The following IRAK2 variants were observed in gnomAD, a reference collection of about 807,000 sequenced individuals.
The protein encoded by IRAK2 is interleukin-1 receptor-associated kinase-like 2.
A neutral mutation model predicts 72.0 loss-of-function variants in IRAK2; 57 were observed. The ratio of observed to expected loss-of-function variants is 0.79; its 90% confidence interval spans 0.64 to 0.99. IRAK2 has a LOEUF of 0.99. Among genes scored for constraint, IRAK2 ranks in the 50% least tolerant of loss-of-function variants. The pLI, the probability that IRAK2 is intolerant of heterozygous loss-of-function variation, is 0.00. For missense variants in IRAK2, 790 were observed against 794.4 expected, an observed-to-expected ratio of 0.99 and a Z score of 0.07; for synonymous variants, 293 against 312.7, an observed-to-expected ratio of 0.94 and a Z score of 0.67.
At chr3:10,189,127 G>GGATA (rs1347234497) in intron 2 of IRAK2, among the ~76,000 whole-genome samples, 1 of 152,238 alleles carries the variant, frequency 6.6e-6, no homozygotes, top group Non-Finnish European at 1.5e-5. Flanking sequence ...AGTGCTCAAA[G>GGATA]GATAAATGTA....
At chr3:10,192,336 C>T (rs768378692) in intron 2 of IRAK2, among the ~76,000 whole-genome samples, 1 of 152,110 alleles carries the variant, frequency 6.6e-6, no homozygotes, top group Non-Finnish European at 1.5e-5. Flanking sequence ...ACCTTGTTGC[C>T]AGCTCTGAGT....
chr3:10,208,036 T>C (rs708033), intron 3 of IRAK2, among the ~76,000 whole-genome samples: 117,277 of 147,326 alleles, frequency 0.8, 47,312 homozygotes, highest in Non-Finnish European at 0.85. Flanking sequence ...GAACCACTGA[T>C]GACTGTGTGC....
intron 12 of IRAK2, 43 bp from the exon 13 acceptor site, chr3:10,242,073 C>G (rs1698068943): frequency 8.8e-7 from 1 of 1,134,630 alleles, no homozygotes; most frequent in African/African-American, 1.5e-5. Context: ...ATAATAGTAA[C>G]TTTCATTCAA....
chr3:10,213,267 T>C lies in IRAK2; in HGVS notation c.589T>C (p.Phe197Leu). The C allele has an allele frequency of 1.2e-6, 2 of 1,614,174 alleles. No homozygotes were observed. The highest frequency in any genetic ancestry group is 1.6e-4 in the Middle Eastern group (1 of 6,062). The stretch of plus-strand genomic sequence containing the variant: ...TTTGAGCTTGGCTGGAGACAGCCTT[T>C]TCTGGAGTGAGGCAGACGTGGTCCA... ...KLLSLAGDSL[F>L]WSEADVVQAT... is the part of the protein sequence containing the mutation. The change falls in exon 5 of 13, where the codon TTC becomes CTC. Residue 197 changes from phenylalanine (F) to leucine (L), a missense_variant. Transcript: ENST00000256458.
rs577087447 is a variant in IRAK2, at chr3:10,169,681, C to T, written c.94+4633C>T. On this transcript the variant is annotated intron_variant, in intron 1 of 12. Coordinates refer to ENST00000256458, the MANE Select transcript of IRAK2 (RefSeq NM_001570.4). ...CCCTGATTTCATATTGTTTAAACAC[C>T]CACGTTTTACAATCAGATTTCATAT... Among the ~76,000 whole-genome samples the T allele has an allele frequency of 7.2e-5, 11 of 152,136 alleles. 1 individual carries two copies. The highest frequency in any genetic ancestry group is 3.4e-3 in the Middle Eastern group (1 of 294).
chr3:10,234,167 G>A (rs1697911241), intron 10 of IRAK2, among the ~76,000 whole-genome samples: 1 of 152,088 alleles, frequency 6.6e-6, no homozygotes, highest in Non-Finnish European at 1.5e-5. Flanking sequence ...CGGCCCTGGT[G>A]TAGGTATTTT....
intron 2 of IRAK2, among the ~76,000 whole-genome samples, chr3:10,198,060 G>T (rs773567786): frequency 6.6e-6 from 1 of 151,788 alleles, no homozygotes; most frequent in Non-Finnish European, 1.5e-5. Flanking sequence ...TTAGCCGGGC[G>T]TGCTGGTGGG....
At position 10,242,340 on chromosome 3, in the gene IRAK2, TCTG is replaced by T. The variant is rs1403068985; in HGVS notation, c.*116_*118del. On this transcript the variant is annotated 3_prime_UTR_variant, in exon 13 of 13. Transcript: ENST00000256458. ...CTGCCAGGAAACACACAACAAAACA[TCTG>T]CTGTCCTGGGTGGGAGGGAAACTTC... 13 of 597,598 alleles carry T rather than the reference TCTG, an allele frequency of 2.2e-5. No homozygotes were observed. Among genetic ancestry groups the T allele is most frequent in the Admixed American group, 1.9e-4 (6 of 32,218 alleles). 37.0% of individuals were successfully genotyped at this position (597,598 alleles called of 1,614,324 possible).
intron 2 of IRAK2, among the ~76,000 whole-genome samples, chr3:10,196,013 C>T (rs1037298950): frequency 3.9e-5 from 6 of 152,230 alleles, no homozygotes; most frequent in Non-Finnish European, 8.8e-5. Flanking sequence ...AGAGCTTTCA[C>T]TTCTGTGCAC....
At chr3:10,233,850 G>A (rs1251375164) in intron 10 of IRAK2, among the ~76,000 whole-genome samples, 2 of 152,040 alleles carry the variant, frequency 1.3e-5, no homozygotes, top group African/African-American at 2.4e-5. Flanking sequence ...CCTAGGTGTA[G>A]GTATTTTATT....
chr3:10,230,379 G>A (rs1462460044), intron 10 of IRAK2, among the ~76,000 whole-genome samples: 1 of 151,954 alleles, frequency 6.6e-6, no homozygotes, highest in Non-Finnish European at 1.5e-5. Context: ...GAGGAGTGCA[G>A]TGGCATGATC....
intron 1 of IRAK2, among the ~76,000 whole-genome samples, chr3:10,165,721 ATTT>A (rs34176794): frequency 0.03 from 2,313 of 76,768 alleles, 46 homozygotes; most frequent in South Asian, 0.051. Context: ...GTCTTGAACT[ATTT>A]TTTTTTTTTT....
At chr3:10,205,477 C>G (rs1339522492) in intron 3 of IRAK2, among the ~76,000 whole-genome samples, 1 of 152,198 alleles carries the variant, frequency 6.6e-6, no homozygotes, top group Non-Finnish European at 1.5e-5. Context: ...CCTGGGGGAG[C>G]CTCCTGAGCA....
intron 10 of IRAK2, among the ~76,000 whole-genome samples, chr3:10,227,471 C>T (rs985654582): frequency 1.3e-4 from 20 of 152,076 alleles, no homozygotes; most frequent in Admixed American, 8.5e-4. Flanking sequence ...AATATAACAA[C>T]CTAGCCTGAC....
In IRAK2 at chr3:10,178,046, G is replaced by T. The variant is rs193033943; in HGVS notation, c.277+26G>T. The T allele has an allele frequency of 5.2e-3, 8,173 of 1,560,840 alleles. 303 individuals carry two copies. In the South Asian group the frequency reaches 0.067, roughly 13 times the overall value. Reference sequence around the variant, plus strand: ...GTGAGTAACTCAGGGCCCTCCTTGAGTGGGGCCCATCACGCTCCTGAGCAG... The same window carrying T: ...GTGAGTAACTCAGGGCCCTCCTTGATTGGGGCCCATCACGCTCCTGAGCAG... On this transcript the variant is annotated intron_variant, in intron 2 of 12. Transcript: ENST00000256458.
intron 4 of IRAK2, among the ~76,000 whole-genome samples, chr3:10,211,610 C>A (rs531791866): frequency 4.6e-5 from 7 of 152,138 alleles, no homozygotes; most frequent in African/African-American, 1.4e-4. Context: ...CAAAGTGAGA[C>A]CCTGTCTCAA....
At chr3:10,180,881 G>A (rs958813830) in intron 2 of IRAK2, among the ~76,000 whole-genome samples, 1 of 152,068 alleles carries the variant, frequency 6.6e-6, no homozygotes, top group African/African-American at 2.4e-5. Flanking sequence ...AGGCCAGTGG[G>A]GCAGCGAGAA....
chr3:10,230,792 G>A (rs938005729), intron 10 of IRAK2, among the ~76,000 whole-genome samples: 2 of 151,486 alleles, frequency 1.3e-5, no homozygotes, highest in African/African-American at 2.4e-5. Flanking sequence ...TTGCTCTGTC[G>A]CCCAGGCTGG....
chr3:10,210,504 T>A (rs190022065), intron 4 of IRAK2, among the ~76,000 whole-genome samples: 1 of 152,350 alleles, frequency 6.6e-6, no homozygotes, highest in Admixed American at 6.5e-5. Context: ...ATTAAAATGT[T>A]CTGATGGCCC....
Sources: gnomAD v4.1 joint callset for allele counts (sites outside exome capture counted in the v4.1 genomes callset) on GRCh38, gnomAD v4.1.1 for gene constraint, MANE v1.5 for transcripts, NCBI Gene and HGNC (gene_info 2026-07-23, HGNC 2026-07-21) for gene names.